The following PLCB4 variants were observed in gnomAD, a reference collection of about 807,000 sequenced individuals.
The protein encoded by PLCB4 is 1-phosphatidylinositol 4,5-bisphosphate phosphodiesterase beta-4.
A neutral mutation model predicts 178.8 loss-of-function variants in PLCB4; 77 were observed. The observed-to-expected ratio is 0.43, with a 90% CI of 0.36 to 0.52. PLCB4 has a LOEUF of 0.52. Ranked by LOEUF, PLCB4 falls within the 20% of genes least tolerant of loss-of-function variation. PLCB4 has a pLI of 0.00. For missense variants in PLCB4, 1,024 were observed against 1,453.4 expected (o/e 0.70, Z 4.80); for synonymous variants, 496 against 490.8 (o/e 1.01, Z -0.14).
At chr20:9,447,162 A>G (rs115071590) in intron 32 of PLCB4, among the ~76,000 whole-genome samples, 3,544 of 152,310 alleles carry the variant, frequency 0.023, 133 homozygotes, top group African/African-American at 0.08. Context: ...TACTATAATT[A>G]TATGAGTTTT....
At chr20:9,197,640 T>G (rs1387938803) in intron 2 of PLCB4, among the ~76,000 whole-genome samples, 1 of 152,230 alleles carries the variant, frequency 6.6e-6, no homozygotes, top group Admixed American at 6.5e-5. Flanking sequence ...AGGAATTTTC[T>G]GGAGAGGCTT....
At chr20:9,380,892 T>G (rs932417557) in intron 13 of PLCB4, among the ~76,000 whole-genome samples, 1 of 152,192 alleles carries the variant, frequency 6.6e-6, no homozygotes, top group African/African-American at 2.4e-5. Context: ...AGGTCCCGTA[T>G]GTCCGTGAAT....
chr20:9,389,522 C>T (rs1602308978), intron 15 of PLCB4, among the ~76,000 whole-genome samples: 2 of 152,186 alleles, frequency 1.3e-5, no homozygotes, highest in African/African-American at 4.8e-5. Flanking sequence ...GAGTGAAAAC[C>T]TCTGTGCCAG....
chr20:9,385,292 A>G (rs1327609849), intron 14 of PLCB4, among the ~76,000 whole-genome samples: 2 of 151,506 alleles, frequency 1.3e-5, no homozygotes, highest in Non-Finnish European at 2.9e-5. Flanking sequence ...CGCCATCGTC[A>G]TCATGGCCCG....
intron 2 of PLCB4, among the ~76,000 whole-genome samples, chr20:9,176,556 A>C (rs932768137): frequency 3.9e-5 from 6 of 152,248 alleles, no homozygotes; most frequent in African/African-American, 1.4e-4. Flanking sequence ...ATATTTATTT[A>C]CATTATGCAC....
Position 9,350,058 on chromosome 20 carries a change from A to C in PLCB4, c.369+11021A>C, listed in dbSNP as rs563206399. Among the ~76,000 whole-genome samples the C allele has an allele frequency of 4.6e-5, 7 of 152,300 alleles. No homozygotes were observed. In the East Asian group the frequency reaches 1.3e-3, roughly 29 times the overall value. On this transcript the variant is annotated intron_variant, in intron 7 of 39. Coordinates refer to ENST00000378473, the MANE Select transcript of PLCB4 (RefSeq NM_001377142.1). ...ATCATAATCTGGGGTCGGCAGGTGC[A>C]GGCCATGGGCTGAACACAACCCTTA...
chr20:9,216,425 G>A (rs998798249), intron 2 of PLCB4, among the ~76,000 whole-genome samples: 16 of 152,090 alleles, frequency 1.1e-4, no homozygotes, highest in African/African-American at 3.6e-4. Context: ...CACCATGTTA[G>A]CCAGGATGGT....
At chr20:9,365,564 AT>A in intron 9 of PLCB4, 50 bp downstream of exon 9, 2 of 1,087,462 alleles carry the variant, frequency 1.8e-6, no homozygotes, top group Non-Finnish European at 2.8e-6. Flanking sequence ...AACGCTTGTC[AT>A]CCCAAACCAA....
intron 24 of PLCB4, 119 bp from the exon 25 acceptor site, chr20:9,410,918 G>A: frequency 1.5e-6 from 1 of 684,302 alleles, no homozygotes; most frequent in Admixed American, 2.4e-5. Context: ...GAACCTTGTA[G>A]TATTAAAGAG....
At chr20:9,459,599 G>A in intron 34 of PLCB4, 36 bp from the exon 35 acceptor site, 1 of 1,532,418 alleles carries the variant, frequency 6.5e-7, no homozygotes, top group Non-Finnish European at 9.0e-7. Context: ...TGACCTATGA[G>A]GATTACAATG....
At chr20:9,220,021 T>A (rs557899918) in intron 3 of PLCB4, among the ~76,000 whole-genome samples, 7 of 152,256 alleles carry the variant, frequency 4.6e-5, no homozygotes, top group South Asian at 2.1e-4. Flanking sequence ...CTTTTTTTTT[T>A]AAACAAAACA....
At chr20:9,468,746 TACAC>T (rs922570188) in intron 36 of PLCB4, 74 bp downstream of exon 36, 1 of 806,890 alleles carries the variant, frequency 1.2e-6, no homozygotes, top group Non-Finnish European at 2.1e-6. Context: ...TTTATGTGTG[TACAC>T]ACACACACAA....
intron 36 of PLCB4, among the ~76,000 whole-genome samples, chr20:9,472,243 G>A (rs1444993542): frequency 1.3e-5 from 2 of 152,182 alleles, no homozygotes; most frequent in African/African-American, 2.4e-5. Flanking sequence ...AGCATCACCT[G>A]GGAGCTTACT....
At chr20:9,214,118 C>G (rs538990639) in intron 2 of PLCB4, among the ~76,000 whole-genome samples, 1 of 152,046 alleles carries the variant, frequency 6.6e-6, no homozygotes, top group Non-Finnish European at 1.5e-5. Flanking sequence ...TAAAGAGGTT[C>G]GACTTATCTT....
chr20:9,319,026 T>A (rs1372441627), intron 4 of PLCB4, among the ~76,000 whole-genome samples: 3 of 152,186 alleles, frequency 2.0e-5, no homozygotes, highest in Non-Finnish European at 4.4e-5. Flanking sequence ...ATCAGGCTAG[T>A]GGTGAAGAGA....
intron 9 of PLCB4, among the ~76,000 whole-genome samples, chr20:9,368,775 C>T (rs771465787): frequency 2.0e-5 from 3 of 152,218 alleles, no homozygotes; most frequent in Non-Finnish European, 4.4e-5. Flanking sequence ...TAGCCACTTG[C>T]GAAGTCCCCC....
intron 2 of PLCB4, among the ~76,000 whole-genome samples, chr20:9,138,321 A>G (rs1172930425): frequency 6.6e-6 from 1 of 152,114 alleles, no homozygotes; most frequent in African/African-American, 2.4e-5. Context: ...TATAGACTAA[A>G]AATATTAGTT....
intron 2 of PLCB4, among the ~76,000 whole-genome samples, chr20:9,214,869 A>C (rs957868698): frequency 6.6e-6 from 1 of 152,210 alleles, no homozygotes; most frequent in African/African-American, 2.4e-5. Context: ...TATCTTATAT[A>C]TGCCCAGAAT....
At chr20:9,163,938 G>A (rs1034145614) in intron 2 of PLCB4, among the ~76,000 whole-genome samples, 2 of 152,012 alleles carry the variant, frequency 1.3e-5, no homozygotes, top group African/African-American at 4.8e-5. Flanking sequence ...TAATGTAAAC[G>A]AGATAAGTTC....
Sources: gnomAD v4.1 joint callset for allele counts (sites outside exome capture counted in the v4.1 genomes callset) on GRCh38, gnomAD v4.1.1 for gene constraint, MANE v1.5 for transcripts, NCBI Gene and HGNC (gene_info 2026-07-23, HGNC 2026-07-21) for gene names.